MTCH2: variants seen among roughly 807,000 people sequenced by gnomAD.
MTCH2 encodes mitochondrial carrier 2.
In MTCH2, 25 loss-of-function variants were observed where a neutral mutation model predicts 50.6. That is an observed-to-expected ratio of 0.49 (90% confidence interval 0.36 to 0.69). The LOEUF (loss-of-function observed/expected upper bound fraction) is 0.69, where lower values mean the gene tolerates loss of function less well. Ranked by LOEUF, MTCH2 falls within the 30% of genes least tolerant of loss-of-function variation. The pLI, the probability that MTCH2 is intolerant of heterozygous loss-of-function variation, is 0.00. For missense variants in MTCH2, 273 were observed against 384.4 expected (o/e 0.71, Z 2.42); for synonymous variants, 106 against 132.0 (o/e 0.80, Z 1.35).
rs1481372494 is a variant in MTCH2 at position 47,618,200 on chromosome 11, A to G, written c.*633T>C. ...TTTTTCAGGTAGCCTCTTGAACTAG[A>G]GTAGGCTCAGAGGCTCCCTGTAGGT... On this transcript the variant is annotated 3_prime_UTR_variant, in exon 13 of 13. Transcript: ENST00000302503. 2 of 152,186 alleles carry G rather than the reference A, an allele frequency of 1.3e-5. No individual in the cohort carries two copies. The highest frequency in any genetic ancestry group is 2.9e-5 in the Non-Finnish European group (2 of 68,084). 9.4% of individuals were successfully genotyped at this position (152,186 alleles called of 1,614,324 possible). A position where few individuals can be genotyped will look rare whatever the true frequency, so the allele number is the denominator to read the frequency against.
chr11:47,627,197 TTTTC>T, intron 9 of MTCH2, 70 bp from the exon 10 acceptor site: 1 of 1,137,194 alleles, frequency 8.8e-7, no homozygotes, highest in Non-Finnish European at 1.2e-6. Context: ...TCTTTTTTCC[TTTTC>T]TTTTCTTTTC....
intron 10 of MTCH2, 55 bp downstream of exon 10, chr11:47,627,025 A>C (rs2097298826): frequency 7.2e-7 from 1 of 1,394,092 alleles, no homozygotes; most frequent in Admixed American, 2.1e-5. Flanking sequence ...TTAAAAGGAA[A>C]ACAAAACAAA....
At chr11:47,622,942 A>G (rs1449256662) in intron 11 of MTCH2, among the ~76,000 whole-genome samples, 166 bp from the exon 12 acceptor site, 7 of 152,226 alleles carry the variant, frequency 4.6e-5, no homozygotes, top group African/African-American at 1.2e-4. Flanking sequence ...AAGCATCCAA[A>G]AGAGAATTCC....
At chr11:47,631,301 T>C (rs2097302811) in intron 6 of MTCH2, among the ~76,000 whole-genome samples, 1 of 151,976 alleles carries the variant, frequency 6.6e-6, no homozygotes, top group African/African-American at 2.4e-5. Context: ...CCCAGCTCCT[T>C]AGGAGGCTGA....
intron 3 of MTCH2, among the ~76,000 whole-genome samples, chr11:47,637,443 G>C (rs1475624172): frequency 6.6e-6 from 1 of 152,130 alleles, no homozygotes; most frequent in Non-Finnish European, 1.5e-5. Context: ...AGACTGAAGA[G>C]CTGAAATCGC....
the MTCH2 span, among the ~76,000 whole-genome samples, chr11:47,610,419 T>C: frequency 3.9e-5 from 6 of 152,070 alleles, no homozygotes; most frequent in Non-Finnish European, 7.4e-5. Context: ...AATCTAATAC[T>C]CTAGGGTGGG....
At chr11:47,633,300 C>T (rs2097305011) in intron 5 of MTCH2, among the ~76,000 whole-genome samples, 1 of 145,850 alleles carries the variant, frequency 6.9e-6, no homozygotes, top group Non-Finnish European at 1.5e-5. Flanking sequence ...TTCGTAGAGA[C>T]GGGGTTTCAC....
intron 5 of MTCH2, among the ~76,000 whole-genome samples, chr11:47,633,526 A>ATATATATATATATATT (rs1378774715): frequency 5.7e-5 from 2 of 35,076 alleles, no homozygotes; most frequent in Non-Finnish European, 1.2e-4. Flanking sequence ...ATATATATAT[A>ATATATATATATATATT]TTTTTTTTTT....
intron 12 of MTCH2, among the ~76,000 whole-genome samples, chr11:47,622,127 G>A (rs2097293874): frequency 6.6e-6 from 1 of 152,046 alleles, no homozygotes; most frequent in Non-Finnish European, 1.5e-5. Context: ...ACCTCTCGAA[G>A]TGCTAGAATT....
Position 47,642,554 on chromosome 11 carries a change from T to C in MTCH2, c.-89A>G, listed in dbSNP as rs2097315448. 2.5e-6 allele frequency: 3 copies of C among 1,192,690 alleles called. No homozygotes were observed. The highest frequency in any genetic ancestry group is 3.4e-6 in the Non-Finnish European group (3 of 873,102). The allele number at this position is 1,192,690 out of a possible 1,614,324, so 73.9% of individuals were successfully genotyped here. Reference sequence around the variant, plus strand: ...TAGGTCACGTGCCAGGGCCGCCGGTTTCACTGGCCCGCCCGCGGCGCGCGC... The same window carrying C: ...TAGGTCACGTGCCAGGGCCGCCGGTCTCACTGGCCCGCCCGCGGCGCGCGC... On this transcript the variant is annotated 5_prime_UTR_variant, in exon 1 of 13. Transcript: ENST00000302503.
rs768276454 is a variant in MTCH2, at chr11:47,642,513, C to A, written c.-48G>T. 2.2e-5 allele frequency: 34 copies of A among 1,522,122 alleles called. No homozygotes were observed. Among genetic ancestry groups the A allele is most frequent in the Non-Finnish European group, 3.0e-5 (34 of 1,130,034 alleles). 94.3% of individuals were successfully genotyped at this position (1,522,122 alleles called of 1,614,324 possible). On this transcript the variant is annotated 5_prime_UTR_variant, in exon 1 of 13. Transcript: ENST00000302503. ...ACAGACAGACGGAGCCACCAAGCGA[C>A]CCGGTGAGCCGGTCCTAGGTCACGT...
intron 4 of MTCH2, 151 bp downstream of exon 4, chr11:47,635,394 G>C (rs890982496): frequency 3.8e-6 from 3 of 792,380 alleles, no homozygotes; most frequent in African/African-American, 3.5e-5. Flanking sequence ...GTTTCAAACA[G>C]AACTGTCCAA....
rs751722363 is a variant in MTCH2 at position 47,642,359 on chromosome 11, G to T, written c.87+20C>A. 6.3e-7 allele frequency: 1 copy of T among 1,579,644 alleles called. No homozygotes were observed. Among genetic ancestry groups the T allele is most frequent in the Non-Finnish European group, 8.6e-7 (1 of 1,164,478 alleles). On this transcript the variant is annotated intron_variant, in intron 1 of 12. Coordinates refer to ENST00000302503, the MANE Select transcript of MTCH2 (RefSeq NM_014342.4). ...CCGAACGGGGCGCCGGGCGGGGTAG[G>T]GAGCGGCGACGCCTCATACCTGGAT...
At chr11:47,619,136 C>T (rs988036081) in intron 12 of MTCH2, among the ~76,000 whole-genome samples, 3 of 152,220 alleles carry the variant, frequency 2.0e-5, no homozygotes, top group Non-Finnish European at 4.4e-5. Flanking sequence ...GCAGACAGAA[C>T]GCCCAGGTTG....
intron 9 of MTCH2, among the ~76,000 whole-genome samples, chr11:47,628,607 T>C (rs7118271): frequency 0.99 from 150,120 of 152,252 alleles, 74,041 homozygotes; most frequent in Middle Eastern, 1. Context: ...TGGAGTCTCC[T>C]TCTGTCACCC....
intron 12 of MTCH2, 41 bp from the exon 13 acceptor site, chr11:47,618,960 G>A (rs932167266): frequency 2.6e-6 from 4 of 1,523,510 alleles, no homozygotes; most frequent in Non-Finnish European, 3.6e-6. Flanking sequence ...AATATCTAGC[G>A]AGATGAGATC....
chr11:47,632,058 G>C (rs1226768513), intron 5 of MTCH2, among the ~76,000 whole-genome samples: 2 of 151,976 alleles, frequency 1.3e-5, no homozygotes, highest in Admixed American at 1.3e-4. Flanking sequence ...AAAATATGAG[G>C]CCTTTATTGA....
intron 12 of MTCH2, among the ~76,000 whole-genome samples, chr11:47,620,472 C>T (rs546942414): frequency 6.6e-6 from 1 of 151,756 alleles, no homozygotes; most frequent in African/African-American, 2.4e-5. Flanking sequence ...CAGAGTGAGA[C>T]CCTGTCTCAA....
the MTCH2 span, among the ~76,000 whole-genome samples, chr11:47,607,972 G>A: frequency 4.6e-5 from 7 of 152,234 alleles, no homozygotes; most frequent in African/African-American, 9.6e-5. Context: ...TCTGTGCTCC[G>A]ATCATCATGC....
Sources: gnomAD v4.1 joint callset for allele counts (sites outside exome capture counted in the v4.1 genomes callset) on GRCh38, gnomAD v4.1.1 for gene constraint, MANE v1.5 for transcripts, NCBI Gene and HGNC (gene_info 2026-07-23, HGNC 2026-07-21) for gene names.